The following TP73 variants were observed in gnomAD, a reference collection of about 807,000 sequenced individuals.
TP73 encodes the protein p53-like transcription factor.
Under a neutral mutation model 62.5 loss-of-function variants are expected in TP73, and 25 were observed. That is an observed-to-expected ratio of 0.40 (90% CI 0.29 to 0.56). The LOEUF is 0.56. Ranked by LOEUF, TP73 falls within the 20% of genes least tolerant of loss-of-function variation. TP73 has a pLI of 0.46. For synonymous variants in TP73, 423 were observed against 377.5 expected (o/e 1.12, Z -1.40); for missense variants, 754 against 913.3 (o/e 0.83, Z 2.25).
chr1:3,708,031 G>A, intron 4 of TP73: 3 of 628,160 alleles, frequency 4.8e-6, no homozygotes, highest in Non-Finnish European at 5.4e-6. Context: ...GGGCCACAGA[G>A]GGGACGGACT....
At chr1:3,676,898 T>C (rs1157568511) in intron 1 of TP73, among the ~76,000 whole-genome samples, 1 of 150,860 alleles carries the variant, frequency 6.6e-6, no homozygotes, top group Non-Finnish European at 1.5e-5. Context: ...CAACGTAGGG[T>C]GCTAAGCAGC....
intron 9 of TP73, among the ~76,000 whole-genome samples, chr1:3,728,992 A>AGAGAG (rs1641900597): frequency 6.6e-6 from 1 of 150,718 alleles, no homozygotes; most frequent in Admixed American, 6.6e-5. Context: ...TGTCGAAAGA[A>AGAGAG]AGAGAGAGAG....
rs1246579370 is a variant in TP73 at position 3,696,545 on chromosome 1, A to G, written c.187-11004A>G. ...GGGCACTACGACATCCGAGACACCA[A>G]GCAGAGGGGGAGATGCAGAGGGGCA... On this transcript the variant is annotated intron_variant, in intron 3 of 13. Transcript: ENST00000378295. The surrounding 1 kb of genome is among the most constrained non-coding windows in gnomAD (Gnocchi z 4.1). 6.6e-6 allele frequency among the ~76,000 whole-genome samples: 1 copy of G among 151,398 alleles called. No homozygotes were observed. Among genetic ancestry groups the G allele is most frequent in the African/African-American group, 2.4e-5 (1 of 41,162 alleles).
intron 4 of TP73, among the ~76,000 whole-genome samples, chr1:3,717,081 C>T (rs1640659158): frequency 1.3e-5 from 2 of 152,246 alleles, no homozygotes; most frequent in Admixed American, 6.5e-5. Context: ...CGCTGGTTAA[C>T]GGTATTTGCG....
At position 3,685,093 on chromosome 1, in the gene TP73, C is replaced by T. The variant is rs528747862; in HGVS notation, c.186+1913C>T. ...GACCCATAAGATTGTCCCCTGAGAT[C>T]CAGAAGCCACCTCCCAACCCCAAGT... On this transcript the variant is annotated intron_variant, in intron 3 of 13. Transcript: ENST00000378295. 5.3e-5 allele frequency among the ~76,000 whole-genome samples: 8 copies of T among 152,250 alleles called. No individual in the cohort carries two copies. In the South Asian group the frequency reaches 8.3e-4, roughly 16 times the overall value.
intron 4 of TP73, among the ~76,000 whole-genome samples, chr1:3,710,553 T>C (rs1348673617): frequency 1.3e-5 from 2 of 152,114 alleles, no homozygotes; most frequent in Non-Finnish European, 2.9e-5. Flanking sequence ...TGGTAACTGA[T>C]AGATAATTCA....
At chr1:3,712,269 G>A (rs772364920) in intron 4 of TP73, 5 of 152,398 alleles carry the variant, frequency 3.3e-5, no homozygotes, top group South Asian at 2.1e-4. Flanking sequence ...TACTTAGGGC[G>A]AAATTGCAGC....
In TP73 at chr1:3,695,696, A is replaced by G. The variant is rs539346688; in HGVS notation, c.187-11853A>G. Among the ~76,000 whole-genome samples the G allele has an allele frequency of 2.0e-5, 3 of 152,258 alleles. No homozygotes were observed. The South Asian group carries it at 6.2e-4, about 31-fold the overall frequency. On this transcript the variant is annotated intron_variant, in intron 3 of 13. Transcript: ENST00000378295. ...GAAGCCAATCAGTGCAGCAAGCTGC[A>G]GTTACTAGGCACCTACTCTGTACGT... is the stretch of plus-strand genomic sequence containing the variant.
chr1:3,676,765 G>A (rs955566843), intron 1 of TP73, among the ~76,000 whole-genome samples: 3 of 151,976 alleles, frequency 2.0e-5, no homozygotes, highest in South Asian at 2.1e-4. Context: ...CAGGGTTGGC[G>A]TGTGAGCCTG....
chr1:3,654,624 C>T (rs532456297), intron 1 of TP73, among the ~76,000 whole-genome samples: 116 of 152,350 alleles, frequency 7.6e-4, no homozygotes, highest in Middle Eastern at 3.4e-3. Flanking sequence ...CTGGCACCCA[C>T]TCAGTGTCCT....
At chr1:3,700,840 G>C (rs1233868165) in intron 3 of TP73, among the ~76,000 whole-genome samples, 1 of 152,038 alleles carries the variant, frequency 6.6e-6, no homozygotes, top group Non-Finnish European at 1.5e-5. Flanking sequence ...CAGGTGCAAT[G>C]GGAATCTTTT....
intron 1 of TP73, among the ~76,000 whole-genome samples, chr1:3,657,810 G>A (rs943609947): frequency 3.9e-5 from 6 of 152,152 alleles, no homozygotes; most frequent in Non-Finnish European, 8.8e-5. Flanking sequence ...CTCCTCCACA[G>A]CCCCTGCATC....
At chr1:3,725,638 G>T (rs1641457743) in intron 6 of TP73, among the ~76,000 whole-genome samples, 1 of 139,488 alleles carries the variant, frequency 7.2e-6, no homozygotes, top group Non-Finnish European at 1.6e-5. Flanking sequence ...GGTGGGTAGA[G>T]GGATGGGTAG....
At chr1:3,684,534 G>T (rs1236816282) in intron 3 of TP73, among the ~76,000 whole-genome samples, 5 of 152,228 alleles carry the variant, frequency 3.3e-5, no homozygotes, top group South Asian at 2.1e-4. Context: ...AGGGAGTGGG[G>T]GCTGTGGGGC....
chr1:3,716,042 C>T (rs1405163026), intron 4 of TP73, among the ~76,000 whole-genome samples: 4 of 152,216 alleles, frequency 2.6e-5, no homozygotes, highest in Admixed American at 1.3e-4. Context: ...GGCTCAAGGT[C>T]GTGGTGGGGC....
At chr1:3,676,523 C>T (rs1346377831) in intron 1 of TP73, among the ~76,000 whole-genome samples, 8 of 151,418 alleles carry the variant, frequency 5.3e-5, no homozygotes, top group African/African-American at 1.2e-4. Flanking sequence ...CTGTGGCTTT[C>T]GTGGGAAGCT....
chr1:3,674,805 C>A (rs1268404005), intron 1 of TP73, among the ~76,000 whole-genome samples: 1 of 152,192 alleles, frequency 6.6e-6, no homozygotes, highest in African/African-American at 2.4e-5. Flanking sequence ...GCTCTGATGA[C>A]GCCCTGCAGG....
At chr1:3,665,646 G>A (rs941088874) in intron 1 of TP73, among the ~76,000 whole-genome samples, 68 of 143,442 alleles carry the variant, frequency 4.7e-4, no homozygotes, top group Admixed American at 1.9e-3. Flanking sequence ...CCTTTGGTTT[G>A]TCTCTCTTTT....
chr1:3,683,976 T>C (rs1481546805), intron 3 of TP73, among the ~76,000 whole-genome samples: 1 of 151,990 alleles, frequency 6.6e-6, no homozygotes, highest in African/African-American at 2.4e-5. Flanking sequence ...TTCCTGGGAG[T>C]CTCAAGCCCT....
Sources: gnomAD v4.1 joint callset for allele counts (sites outside exome capture counted in the v4.1 genomes callset) on GRCh38, gnomAD v4.1.1 for gene constraint, Gnocchi (gnomAD v3.1) non-coding constraint, MANE v1.5 for transcripts, NCBI Gene and HGNC (gene_info 2026-07-23, HGNC 2026-07-21) for gene names.